The following ANKFY1 variants were observed in gnomAD, a reference collection of about 807,000 sequenced individuals.
ANKFY1 encodes the protein ankyrin repeat and FYVE domain containing 1, also known as ankyrin repeat and FYVE domain-containing protein 1.
Under a neutral mutation model 128.3 loss-of-function variants are expected in ANKFY1, and 47 were observed. That is an observed-to-expected ratio of 0.37 (90% CI 0.29 to 0.47). The LOEUF (loss-of-function observed/expected upper bound fraction) is 0.47. Ranked by LOEUF, ANKFY1 falls within the 20% of genes least tolerant of loss-of-function variation. ANKFY1 has a pLI of 1.00. For missense variants in ANKFY1, 1,222 were observed against 1,510.6 expected, an observed-to-expected ratio of 0.81 and a Z score of 3.17; for synonymous variants, 553 against 601.6, an observed-to-expected ratio of 0.92 and a Z score of 1.18.
chr17:4,197,697 G>A, intron 7 of ANKFY1, 120 bp from the exon 8 acceptor site: 2 of 883,998 alleles, frequency 2.3e-6, no homozygotes, highest in South Asian at 1.5e-5. Flanking sequence ...GTGTCTGAAG[G>A]AACCTCTTGG....
chr17:4,254,608 T>C (rs1300752256), intron 1 of ANKFY1, among the ~76,000 whole-genome samples: 1 of 152,206 alleles, frequency 6.6e-6, no homozygotes, highest in Non-Finnish European at 1.5e-5. Flanking sequence ...TTCTGTTGTT[T>C]TAAGCCATCT....
chr17:4,203,827 C>CAAAAAAAAAAA (rs773865349), intron 7 of ANKFY1, among the ~76,000 whole-genome samples: 641 of 77,114 alleles, frequency 8.3e-3, no homozygotes, highest in Middle Eastern at 0.031. Context: ...ACAACAACAA[C>CAAAAAAAAAAA]AAAAAAAAAA....
At chr17:4,230,698 A>G (rs969141615) in intron 3 of ANKFY1, among the ~76,000 whole-genome samples, 2 of 152,228 alleles carry the variant, frequency 1.3e-5, no homozygotes. Flanking sequence ...ATGTTTTGAT[A>G]TATGTATGCA....
At chr17:4,233,170 T>C (rs1040497567) in intron 3 of ANKFY1, among the ~76,000 whole-genome samples, 1 of 152,224 alleles carries the variant, frequency 6.6e-6, no homozygotes, top group African/African-American at 2.4e-5. Flanking sequence ...CAAAAGATGG[T>C]AGCTTATTCT....
At chr17:4,194,858 C>G in intron 10 of ANKFY1, 120 bp downstream of exon 10, 1 of 941,042 alleles carries the variant, frequency 1.1e-6, no homozygotes, top group Non-Finnish European at 1.6e-6. Context: ...AAATTAAGTA[C>G]AAAATAATTA....
In ANKFY1 at chr17:4,169,130, G is replaced by A. The variant is rs1407936802; in HGVS notation, c.3377+68C>T. 31 of 1,437,706 alleles carry A rather than the reference G, an allele frequency of 2.2e-5. No homozygotes were observed. The highest frequency in any genetic ancestry group is 2.9e-5 in the Non-Finnish European group (30 of 1,046,040). The allele number at this position is 1,437,706 out of a possible 1,614,324, so 89.1% of individuals were successfully genotyped here. ...CCAGGCAAGTTCACGGCCTGTCCTGGAGAAGGGGGGAAGCAATGACATCAG... is the reference window on the plus strand; with the variant it reads ...CCAGGCAAGTTCACGGCCTGTCCTGAAGAAGGGGGGAAGCAATGACATCAG... On this transcript the variant is annotated intron_variant, in intron 24 of 24. Coordinates refer to ENST00000341657, the MANE Select transcript of ANKFY1 (RefSeq NM_001330063.2). The surrounding 1 kb of genome is among the most constrained non-coding windows in gnomAD (Gnocchi z 5.0).
intron 11 of ANKFY1, among the ~76,000 whole-genome samples, chr17:4,189,041 A>C (rs1166765959): frequency 3.3e-5 from 5 of 152,182 alleles, no homozygotes; most frequent in African/African-American, 4.8e-5. Context: ...AACCCAAGCA[A>C]ATGTGAAGTG....
At chr17:4,245,706 G>C (rs1271226748) in intron 1 of ANKFY1, among the ~76,000 whole-genome samples, 1 of 145,530 alleles carries the variant, frequency 6.9e-6, no homozygotes, top group Non-Finnish European at 1.5e-5. Context: ...TTGTGCCACT[G>C]TACTCCAGCC....
At chr17:4,182,143 C>T in intron 15 of ANKFY1, 38 bp downstream of exon 15, 3 of 1,425,132 alleles carry the variant, frequency 2.1e-6, no homozygotes, top group Non-Finnish European at 2.8e-6. Context: ...CAACATATCC[C>T]CATCTGTAAA....
At chr17:4,211,885 C>CA (rs11374688) in intron 4 of ANKFY1, among the ~76,000 whole-genome samples, 9,616 of 131,406 alleles carry the variant, frequency 0.073, 816 homozygotes, top group African/African-American at 0.21. Context: ...GACTCTGTCT[C>CA]AAAAAAAAAA....
At position 4,169,990 on chromosome 17, in the gene ANKFY1, G is replaced by A. The variant is rs2059285760; in HGVS notation, c.3287-702C>T. Among the ~76,000 whole-genome samples, 3 of 152,182 alleles carry A rather than the reference G, an allele frequency of 2.0e-5. No individual in the cohort carries two copies. In the South Asian group the frequency reaches 6.2e-4, roughly 32 times the overall value. ...GTTCCTTCTGAGTAATGGGATGTGT[G>A]TGCTGCCGGCCCTGTGATGGGCACC... On this transcript the variant is annotated intron_variant, in intron 23 of 24. Coordinates refer to ENST00000341657, the MANE Select transcript of ANKFY1 (RefSeq NM_001330063.2). This position sits in a 1 kb window ranked among gnomAD's most constrained non-coding sequence, Gnocchi z 5.0.
Position 4,209,817 on chromosome 17 carries a change from C to T in ANKFY1, c.582+7G>A, listed in dbSNP as rs79670104. Reference sequence around the variant, plus strand: ...AGTGCTTTGTTGACACCCTCAACCTCACTCACCCAATGACTTGCAATAATT... The same window carrying T: ...AGTGCTTTGTTGACACCCTCAACCTTACTCACCCAATGACTTGCAATAATT... On this transcript the variant is annotated splice_region_variant and intron_variant, in intron 5 of 24. Coordinates refer to ENST00000341657, the MANE Select transcript of ANKFY1 (RefSeq NM_001330063.2). 623 of 1,610,542 alleles carry T rather than the reference C, an allele frequency of 3.9e-4. 1 individual carries two copies. The East Asian group carries it at 0.013, about 34-fold the overall frequency.
intron 11 of ANKFY1, 47 bp downstream of exon 11, chr17:4,189,335 C>T (rs1598039591): frequency 2.7e-6 from 4 of 1,494,846 alleles, no homozygotes; most frequent in Non-Finnish European, 3.6e-6. Context: ...ACTGCCATTT[C>T]TTCCATAGAT....
chr17:4,204,068 A>T (rs976756416), intron 7 of ANKFY1, among the ~76,000 whole-genome samples: 4 of 152,128 alleles, frequency 2.6e-5, no homozygotes, highest in Non-Finnish European at 5.9e-5. Flanking sequence ...ATACTTGGTT[A>T]TTAGGATGAT....
chr17:4,179,371 A>G (rs1598019215), intron 17 of ANKFY1: 2 of 519,164 alleles, frequency 3.9e-6, no homozygotes, highest in South Asian at 2.3e-5. Flanking sequence ...CACAGGCTCG[A>G]ATGTTGAAAA....
Position 4,178,791 on chromosome 17 carries a change from C to T in ANKFY1, c.2598+66G>A. The T allele has an allele frequency of 2.0e-6, 3 of 1,472,208 alleles. No individual in the cohort carries two copies. The highest frequency in any genetic ancestry group is 2.8e-6 in the Non-Finnish European group (3 of 1,057,818). 91.2% of individuals were successfully genotyped at this position (1,472,208 alleles called of 1,614,324 possible). A position where few individuals can be genotyped will look rare whatever the true frequency, so the allele number is the denominator to read the frequency against. On this transcript the variant is annotated intron_variant, in intron 18 of 24. Transcript: ENST00000341657. This position sits in a 1 kb window ranked among gnomAD's most constrained non-coding sequence, Gnocchi z 4.1. ...AGGAGACCTGTTTAGTCGGTGACATCTGTCTAGTCTCCAGGTTCCGCGACG... is the reference window on the plus strand; with the variant it reads ...AGGAGACCTGTTTAGTCGGTGACATTTGTCTAGTCTCCAGGTTCCGCGACG...
chr17:4,171,163 G>T (rs2059312979), intron 22 of ANKFY1, among the ~76,000 whole-genome samples: 1 of 152,222 alleles, frequency 6.6e-6, no homozygotes, highest in South Asian at 2.1e-4. Context: ...GGTGGGGAGG[G>T]ATTCAACACA....
rs1454478998 is a variant in ANKFY1, at chr17:4,206,306, C to G, written c.898+15G>C. ...ATAAAATTGCCTGCAGGGAAACATA[C>G]ACACTTCTTCCTACCTCTTTGGATT... On this transcript the variant is annotated intron_variant, in intron 7 of 24. Coordinates refer to ENST00000341657, the MANE Select transcript of ANKFY1 (RefSeq NM_001330063.2). 1.2e-6 allele frequency: 2 copies of G among 1,605,044 alleles called. No homozygotes were observed. The highest frequency in any genetic ancestry group is 1.1e-5 in the South Asian group (1 of 90,684).
At chr17:4,200,628 T>A (rs917051455) in intron 7 of ANKFY1, among the ~76,000 whole-genome samples, 1 of 152,090 alleles carries the variant, frequency 6.6e-6, no homozygotes, top group African/African-American at 2.4e-5. Context: ...CCCATGAGAG[T>A]TGACTATACT....
Sources: allele counts gnomAD v4.1 joint callset (sites outside exome capture counted in the v4.1 genomes callset), GRCh38; gene constraint gnomAD v4.1.1; non-coding constraint Gnocchi (gnomAD v3.1); transcripts MANE v1.5; gene names NCBI Gene and HGNC (gene_info 2026-07-23, HGNC 2026-07-21).